Variants in COPB2 observed in about 807,000 individuals in gnomAD.
The protein encoded by COPB2 is coat protein complex I subunit beta 2.
COPB2 carries 16 observed loss-of-function variants against 120.8 expected under a neutral mutation model. That is an observed-to-expected ratio of 0.13 (90% CI 0.09 to 0.20). The LOEUF is 0.20. Among genes scored for constraint, COPB2 ranks in the 10% least tolerant of loss-of-function variants. The pLI, the probability that COPB2 is intolerant of heterozygous loss-of-function variation, is 1.00. For synonymous variants in COPB2, 332 were observed against 366.3 expected, an observed-to-expected ratio of 0.91 and a Z score of 1.07; for missense variants, 794 against 1,076.5, an observed-to-expected ratio of 0.74 and a Z score of 3.67.
Position 139,383,221 on chromosome 3 carries a change from T to C in COPB2, c.141+77A>G, listed in dbSNP as rs769798614. 38 of 1,523,354 alleles carry C rather than the reference T, an allele frequency of 2.5e-5. No individual in the cohort carries two copies. The African/African-American group carries it at 4.1e-4, about 16-fold the overall frequency. 94.4% of individuals were successfully genotyped at this position (1,523,354 alleles called of 1,614,324 possible). A position where few individuals can be genotyped will look rare whatever the true frequency, so the allele number is the denominator to read the frequency against. ...TGCATATAGATTCTGGATTCTGTTA[T>C]AATATTTCTTCTCTTTCATTATAAA... On this transcript the variant is annotated intron_variant, in intron 2 of 21. Coordinates refer to ENST00000333188, the MANE Select transcript of COPB2 (RefSeq NM_004766.3).
intron 10 of COPB2, among the ~76,000 whole-genome samples, chr3:139,371,065 A>G (rs1941615725): frequency 6.6e-6 from 1 of 152,222 alleles, no homozygotes; most frequent in Non-Finnish European, 1.5e-5. Flanking sequence ...AATGTAATTC[A>G]GTTGTGTGGT....
At chr3:139,360,619 T>TAAA (rs2107796602) in intron 17 of COPB2, among the ~76,000 whole-genome samples, 1 of 152,280 alleles carries the variant, frequency 6.6e-6, no homozygotes, top group African/African-American at 2.4e-5. Flanking sequence ...CGGTTAGACT[T>TAAA]AAAAATATGA....
rs527431670 is a variant in COPB2, at chr3:139,367,546, C to T, written c.1546-401G>A. Among the ~76,000 whole-genome samples, 18 of 152,136 alleles carry T rather than the reference C, an allele frequency of 1.2e-4. No individual in the cohort carries two copies. In the East Asian group the frequency reaches 1.9e-3, roughly 16 times the overall value. ...CAAGTGATCTGCCCACCTCGGCCTC[C>T]CAAAGTGCTGGGATTATAGGTGTGA... On this transcript the variant is annotated intron_variant, in intron 13 of 21. Transcript: ENST00000333188.
intron 2 of COPB2, 61 bp from the exon 3 acceptor site, chr3:139,379,527 CTGTTA>C (rs1288206627): frequency 2.8e-5 from 38 of 1,340,878 alleles, no homozygotes; most frequent in Middle Eastern, 2.1e-4. Context: ...AAAATCTACT[CTGTTA>C]TATTTCAAAC....
At position 139,373,223 on chromosome 3, in the gene COPB2, G is replaced by A. The variant is rs1431543241; in HGVS notation, c.1084C>T (p.Pro362Ser). 1.9e-6 allele frequency: 3 copies of A among 1,613,970 alleles called. No homozygotes were observed. In the African/African-American group the frequency reaches 4.0e-5, roughly 22 times the overall value. The change falls in exon 9 of 22, where the codon CCT becomes TCT. Residue 362 changes from proline to serine, a missense_variant. By Grantham distance (74) the Pro-to-Ser change is moderately conservative. Around this residue, in one of 3 missense-constraint regions of COPB2, gnomAD observed 610 missense variants for 866.7 expected, o/e 0.70. Coordinates refer to ENST00000333188, the MANE Select transcript of COPB2 (RefSeq NM_004766.3). ...TTGGTGATGGCTTACCGCCCATTAG[G>A]ATTGTGCTGAATAGTCTGAGGGTAT... ...EIYPQTIQHNPNGRFVVVCGD... is the reference protein window; with the variant it reads ...EIYPQTIQHNSNGRFVVVCGD...
chr3:139,359,041 G>C lies in COPB2; in HGVS notation c.2441C>G (p.Thr814Arg). Reference protein sequence around the residue: ...AFVVEEWVKETHADLWPAKQY... With the variant: ...AFVVEEWVKERHADLWPAKQY... ...TTTGGCTGGCCACAGATCAGCATGTGTTTCCTTCACCCATTCTTCAACAAC... is the reference window on the plus strand; with the variant it reads ...TTTGGCTGGCCACAGATCAGCATGTCTTTCCTTCACCCATTCTTCAACAAC... Residue 814 changes from threonine (T) to arginine (R), a missense_variant, in exon 19 of 22, where the codon ACA (threonine) becomes AGA (arginine). By Grantham distance (71) the Thr-to-Arg change is moderately conservative. Coordinates refer to ENST00000333188, the MANE Select transcript of COPB2 (RefSeq NM_004766.3). The C allele has an allele frequency of 6.2e-7, 1 of 1,614,028 alleles. No individual in the cohort carries two copies. The highest frequency in any genetic ancestry group is 1.1e-5 in the South Asian group (1 of 91,048).
Position 139,375,464 on chromosome 3 carries a change from G to A in COPB2, c.651+4C>T, listed in dbSNP as rs1270088598. 10 of 1,611,152 alleles carry A rather than the reference G, an allele frequency of 6.2e-6. No individual in the cohort carries two copies. The highest frequency in any genetic ancestry group is 3.3e-5 in the South Asian group (3 of 90,616). On this transcript the variant is annotated splice_donor_region_variant and intron_variant, in intron 6 of 21. Coordinates refer to ENST00000333188, the MANE Select transcript of COPB2 (RefSeq NM_004766.3). ...TATGGAAGTAAGGTTATGAAAAACT[G>A]TACCTGATAATCCCATATTTTAACA...
chr3:139,361,005 A>AG, intron 17 of COPB2, 76 bp downstream of exon 17: 1 of 1,501,988 alleles, frequency 6.7e-7, no homozygotes, highest in Non-Finnish European at 9.2e-7. Context: ...AGTTCTCTCC[A>AG]GGGTTCATTC....
intron 8 of COPB2, 89 bp from the exon 9 acceptor site, chr3:139,373,501 G>T: frequency 1.3e-6 from 2 of 1,520,006 alleles, no homozygotes; most frequent in South Asian, 1.2e-5. Context: ...CTAACAGAGA[G>T]CTCCATTTCC....
intron 2 of COPB2, 25 bp downstream of exon 2, chr3:139,383,273 T>C (rs1941848173): frequency 6.2e-7 from 1 of 1,611,768 alleles, no homozygotes; most frequent in African/African-American, 1.3e-5. Flanking sequence ...ATTTTATTTC[T>C]AATACAGTCC....
chr3:139,357,833 G>T lies in COPB2; in HGVS notation c.*30C>A. 8.2e-7 allele frequency: 1 copy of T among 1,226,210 alleles called. No individual in the cohort carries two copies. The highest frequency in any genetic ancestry group is 1.2e-6 in the Non-Finnish European group (1 of 847,168). The allele number at this position is 1,226,210 out of a possible 1,614,324, so 76.0% of individuals were successfully genotyped here. A position where few individuals can be genotyped will look rare whatever the true frequency, so the allele number is the denominator to read the frequency against. ...CAATACCTATATATAATAATGATCT[G>T]TTTAGTCAGGTAAATGGAAAGCATT... On this transcript the variant is annotated 3_prime_UTR_variant, in exon 22 of 22. Transcript: ENST00000333188.
At chr3:139,383,697 A>G (rs1003652259) in intron 1 of COPB2, among the ~76,000 whole-genome samples, 2 of 151,912 alleles carry the variant, frequency 1.3e-5, no homozygotes, top group Admixed American at 1.3e-4. Context: ...CACTTTGAGG[A>G]CCCCTAAGAG....
chr3:139,361,807 T>G (rs565830303), intron 16 of COPB2, among the ~76,000 whole-genome samples: 22 of 152,240 alleles, frequency 1.4e-4, no homozygotes, highest in Non-Finnish European at 1.9e-4. Flanking sequence ...TCTGAAACAA[T>G]TGGGAGCCTC....
intron 1 of COPB2, among the ~76,000 whole-genome samples, chr3:139,388,828 G>A (rs988694233): frequency 6.6e-6 from 1 of 151,168 alleles, no homozygotes; most frequent in South Asian, 2.1e-4. Flanking sequence ...CAATAGAGAC[G>A]GAAGATATTC....
At chr3:139,380,777 T>C (rs17395255) in intron 2 of COPB2, 57,851 of 152,134 alleles carry the variant, frequency 0.38, 13,759 homozygotes, top group Non-Finnish European at 0.53. Flanking sequence ...ACTTCAACTC[T>C]AACCTGTAGA....
intron 4 of COPB2, 21 bp downstream of exon 4, chr3:139,379,026 C>G (rs1179220848): frequency 1.9e-6 from 3 of 1,557,866 alleles, no homozygotes; most frequent in Non-Finnish European, 2.6e-6. Context: ...ACGCACATGA[C>G]CAAAAAAGGT....
upstream of COPB2, chr3:139,389,659 G>A (rs2107814685): frequency 1.7e-6 from 2 of 1,209,508 alleles, no homozygotes; most frequent in Middle Eastern, 2.0e-4. Flanking sequence ...GGAACTTCCG[G>A]GAGCCGATTC....
At chr3:139,384,715 T>C (rs1941882981) in intron 1 of COPB2, among the ~76,000 whole-genome samples, 1 of 152,240 alleles carries the variant, frequency 6.6e-6, no homozygotes, top group Non-Finnish European at 1.5e-5. Context: ...ACATTTTTAC[T>C]GTTTCATCAA....
At chr3:139,379,561 C>T (rs1409582494) in intron 2 of COPB2, 95 bp from the exon 3 acceptor site, 1 of 999,490 alleles carries the variant, frequency 1.0e-6, no homozygotes, top group Non-Finnish European at 1.5e-6. Context: ...TTTAAGATCA[C>T]TTCTCATTTT....
Sources: gnomAD v4.1 joint callset for allele counts (sites outside exome capture counted in the v4.1 genomes callset) on GRCh38, gnomAD v4.1.1 for gene constraint, gnomAD v4.1.1 regional missense constraint, MANE v1.5 for transcripts, NCBI Gene and HGNC (gene_info 2026-07-23, HGNC 2026-07-21) for gene names.